CENPP: variants seen among roughly 807,000 people sequenced by gnomAD.
The protein encoded by CENPP is centromere protein P.
In CENPP, 24 loss-of-function variants were observed where a neutral mutation model predicts 35.6. The observed-to-expected ratio is 0.67, with a 90% CI of 0.49 to 0.95. CENPP has a LOEUF of 0.95. Among genes scored for constraint, CENPP ranks in the 40% least tolerant of loss-of-function variants. CENPP has a pLI of 0.00. For missense variants in CENPP, 332 were observed against 345.3 expected, an observed-to-expected ratio of 0.96 and a Z score of 0.31; for synonymous variants, 120 against 125.5, an observed-to-expected ratio of 0.96 and a Z score of 0.29.
rs562863401 is a variant in CENPP, at chr9:92,545,691, T to C, written c.565-65623T>C. Among the ~76,000 whole-genome samples, 1,158 of 152,314 alleles carry C rather than the reference T, an allele frequency of 7.6e-3. 6 individuals are homozygous for C. The highest frequency in any genetic ancestry group is 0.012 in the Non-Finnish European group (802 of 68,018). On this transcript the variant is annotated intron_variant, in intron 5 of 7. Coordinates refer to ENST00000375587, the MANE Select transcript of CENPP (RefSeq NM_001012267.3). ...GCAGCCTGGTGCGGGATCCACTGGG[T>C]GAATCCAGCTGGGCTCATCCAGCTG...
intron 5 of CENPP, among the ~76,000 whole-genome samples, chr9:92,585,693 A>T (rs1235228199): frequency 6.6e-6 from 1 of 152,222 alleles, no homozygotes; most frequent in African/African-American, 2.4e-5. Flanking sequence ...GGAATCTAAA[A>T]TTGACAGAAT....
intron 5 of CENPP, chr9:92,505,803 T>G: frequency 1.2e-6 from 1 of 840,028 alleles, no homozygotes; most frequent in Non-Finnish European, 1.8e-6. Flanking sequence ...GCAAATACAG[T>G]TTTTTTTAAA....
At chr9:92,587,296 C>T (rs551070365) in intron 5 of CENPP, among the ~76,000 whole-genome samples, 1 of 152,096 alleles carries the variant, frequency 6.6e-6, no homozygotes, top group East Asian at 1.9e-4. Flanking sequence ...ATGGAGAAAC[C>T]CTGTCTCTAC....
intron 4 of CENPP, among the ~76,000 whole-genome samples, chr9:92,366,498 C>T (rs1841892053): frequency 6.6e-6 from 1 of 152,104 alleles, no homozygotes; most frequent in Non-Finnish European, 1.5e-5. Context: ...TTCCTAAACT[C>T]CTTTAGTAAG....
chr9:92,552,626 G>A (rs1262632317), intron 5 of CENPP, among the ~76,000 whole-genome samples: 1 of 152,046 alleles, frequency 6.6e-6, no homozygotes, highest in Non-Finnish European at 1.5e-5. Flanking sequence ...TATGTTTGTT[G>A]GCCATTTGTG....
chr9:92,378,460 C>T (rs1490194790), intron 4 of CENPP, among the ~76,000 whole-genome samples: 1 of 152,150 alleles, frequency 6.6e-6, no homozygotes, highest in Admixed American at 6.6e-5. Context: ...AAAAATAAAT[C>T]CTAAGGAATT....
chr9:92,352,505 G>GTATATATATATA (rs1554753078), intron 4 of CENPP, among the ~76,000 whole-genome samples: 2 of 49,788 alleles, frequency 4.0e-5, no homozygotes, highest in Non-Finnish European at 6.6e-5. Flanking sequence ...GTGTGTGTGT[G>GTATATATATATA]TATACATATA....
chr9:92,338,148 C>A (rs984499883), intron 3 of CENPP, among the ~76,000 whole-genome samples: 1 of 151,714 alleles, frequency 6.6e-6, no homozygotes, highest in Non-Finnish European at 1.5e-5. Flanking sequence ...CCTGTCTCTA[C>A]AAAAAAATAA....
chr9:92,389,011 T>C (rs1439383922), intron 5 of CENPP, among the ~76,000 whole-genome samples: 1 of 152,152 alleles, frequency 6.6e-6, no homozygotes, highest in Admixed American at 6.5e-5. Context: ...TTTGTACACT[T>C]TCTAACAGAT....
In CENPP at chr9:92,345,910, T is replaced by A. The variant is rs942581041; in HGVS notation, c.467+123T>A. On this transcript the variant is annotated intron_variant, in intron 4 of 7. Coordinates refer to ENST00000375587, the MANE Select transcript of CENPP (RefSeq NM_001012267.3). ...GTCTTCTCTGAAAGTATAACACCAC[T>A]GTTGTGCTTATATTTGAGCCCATAT... 1.5e-5 allele frequency: 9 copies of A among 598,752 alleles called. No individual in the cohort carries two copies. The African/African-American group carries it at 1.7e-4, about 11-fold the overall frequency. The allele number at this position is 598,752 out of a possible 1,614,324, so 37.1% of individuals were successfully genotyped here. A position where few individuals can be genotyped will look rare whatever the true frequency, so the allele number is the denominator to read the frequency against.
chr9:92,526,322 A>G (rs1848408263), intron 5 of CENPP, among the ~76,000 whole-genome samples: 1 of 152,254 alleles, frequency 6.6e-6, no homozygotes, highest in African/African-American at 2.4e-5. Context: ...CAACTGTACA[A>G]TGTATTTGTG....
intron 5 of CENPP, chr9:92,496,495 T>TG: frequency 6.2e-7 from 1 of 1,605,568 alleles, no homozygotes; most frequent in Non-Finnish European, 8.5e-7. Context: ...TAAGGAAAAA[T>TG]AGACATGCAA....
intron 5 of CENPP, among the ~76,000 whole-genome samples, chr9:92,577,384 G>A (rs562260719): frequency 6.6e-6 from 1 of 152,090 alleles, no homozygotes; most frequent in African/African-American, 2.4e-5. Flanking sequence ...GCATGGTGGC[G>A]GGCACCTGTA....
intron 5 of CENPP, among the ~76,000 whole-genome samples, chr9:92,383,189 C>A (rs1401905558): frequency 6.6e-6 from 1 of 152,136 alleles, no homozygotes; most frequent in Non-Finnish European, 1.5e-5. Context: ...TGAGCCATTG[C>A]GCCCAGCCAC....
At chr9:92,497,967 C>A (rs1414911556) in intron 5 of CENPP, among the ~76,000 whole-genome samples, 5 of 152,026 alleles carry the variant, frequency 3.3e-5, no homozygotes, top group Non-Finnish European at 7.4e-5. Context: ...ATCTCCCCTT[C>A]CACCATGAGT....
chr9:92,484,733 G>A (rs1167896988), intron 5 of CENPP, among the ~76,000 whole-genome samples: 1 of 152,148 alleles, frequency 6.6e-6, no homozygotes, highest in East Asian at 1.9e-4. Flanking sequence ...TGTTGTCCAC[G>A]TCACCCACCC....
At chr9:92,532,359 G>C (rs1848851594) in intron 5 of CENPP, among the ~76,000 whole-genome samples, 1 of 151,852 alleles carries the variant, frequency 6.6e-6, no homozygotes, top group South Asian at 2.1e-4. Context: ...GGCACTTCTT[G>C]AATTTGTGGC....
chr9:92,344,159 C>G (rs992094581), intron 3 of CENPP, among the ~76,000 whole-genome samples: 1 of 151,904 alleles, frequency 6.6e-6, no homozygotes, highest in Non-Finnish European at 1.5e-5. Context: ...CCTTATTTAC[C>G]AACTGGGGAG....
chr9:92,459,752 G>A (rs774277824), intron 5 of CENPP: 31 of 1,613,402 alleles, frequency 1.9e-5, no homozygotes, highest in Non-Finnish European at 2.4e-5. Context: ...CTGTGATTTT[G>A]TTGTTTCCTA....
Sources: allele counts gnomAD v4.1 joint callset (sites outside exome capture counted in the v4.1 genomes callset), GRCh38; gene constraint gnomAD v4.1.1; transcripts MANE v1.5; gene names NCBI Gene and HGNC (gene_info 2026-07-23, HGNC 2026-07-21).